Variants in ERVH48-1 observed in about 807,000 individuals in gnomAD.
ERVH48-1 encodes endogenous retrovirus group 48 member 1, envelope, also known as suppressyn.
In ERVH48-1, 4 loss-of-function variants were observed where a neutral mutation model predicts 2.4. The observed-to-expected ratio is 1.68, with a 90% confidence interval of 0.83 to 3.84. The LOEUF is 3.84. Among genes scored for constraint, ERVH48-1 ranks in the 30% most tolerant of loss-of-function variants. The pLI is 0.01. For missense variants in ERVH48-1, 97 were observed against 43.4 expected (o/e 2.23, Z -3.47); for synonymous variants, 32 against 15.5 (o/e 2.06, Z -2.49).
chr21:42,922,256 G>A (rs1167700343), intron 1 of ERVH48-1, among the ~76,000 whole-genome samples: 1 of 152,022 alleles, frequency 6.6e-6, no homozygotes, highest in Non-Finnish European at 1.5e-5. Flanking sequence ...GGTTAACCAT[G>A]GATGGGGGAT....
At chr21:42,922,671 C>T (rs2058809507) in intron 1 of ERVH48-1, among the ~76,000 whole-genome samples, 1 of 133,540 alleles carries the variant, frequency 7.5e-6, no homozygotes, top group South Asian at 2.6e-4. Context: ...ACCCGGGAGG[C>T]GGAGCTTGCA....
rs2058798157 is a variant in ERVH48-1, at chr21:42,919,161, G to A, written c.-155C>T. The A allele has an allele frequency of 3.2e-6, 3 of 937,606 alleles. No individual in the cohort carries two copies. The highest frequency in any genetic ancestry group is 4.2e-6 in the Non-Finnish European group (3 of 713,028). 58.1% of individuals were successfully genotyped at this position (937,606 alleles called of 1,614,324 possible). ...CCTTGGGGGTGAGCTTGACCCTGGT[G>A]CGATGGATCCAGTTGGGGAGTCCTC... is the stretch of plus-strand genomic sequence containing the variant. On this transcript the variant is annotated 5_prime_UTR_variant, in exon 2 of 2. Coordinates refer to ENST00000447535, the MANE Select transcript of ERVH48-1 (RefSeq NM_001308491.2).
chr21:42,923,111 G>T (rs1289603967), intron 1 of ERVH48-1, among the ~76,000 whole-genome samples: 1 of 152,186 alleles, frequency 6.6e-6, no homozygotes, highest in African/African-American at 2.4e-5. Context: ...CTCACAGTCC[G>T]ACTTCCAGTG....
At chr21:42,923,564 G>C (rs1365387844) in intron 1 of ERVH48-1, among the ~76,000 whole-genome samples, 1 of 152,138 alleles carries the variant, frequency 6.6e-6, no homozygotes, top group Non-Finnish European at 1.5e-5. Context: ...TTTTCGTCAG[G>C]ACCTTGGGTG....
chr21:42,919,042 G>T lies in ERVH48-1; in HGVS notation c.-36C>A. 8.2e-7 allele frequency: 1 copy of T among 1,219,916 alleles called. No homozygotes were observed. The highest frequency in any genetic ancestry group is 1.1e-6 in the Non-Finnish European group (1 of 952,056). The allele number at this position is 1,219,916 out of a possible 1,614,324, so 75.6% of individuals were successfully genotyped here. ...ACGTGGTTAGTCTTCCTTGTGTTTT[G>T]GTTTTAAGAAAAAAATGTTGGTTAA... On this transcript the variant is annotated 5_prime_UTR_variant, in exon 2 of 2. Coordinates refer to ENST00000447535, the MANE Select transcript of ERVH48-1 (RefSeq NM_001308491.2).
intron 1 of ERVH48-1, among the ~76,000 whole-genome samples, chr21:42,922,347 C>T (rs529651527): frequency 2.0e-5 from 3 of 151,810 alleles, no homozygotes; most frequent in East Asian, 3.9e-4. Context: ...TGGGTGGATG[C>T]GTTGGGTACT....
At position 42,919,205 on chromosome 21, in the gene ERVH48-1, G is replaced by T; in HGVS notation, c.-199C>A. The T allele has an allele frequency of 2.1e-6, 1 of 477,514 alleles. No individual in the cohort carries two copies. Among genetic ancestry groups the T allele is most frequent in the Non-Finnish European group, 3.4e-6 (1 of 295,394 alleles). 29.6% of individuals were successfully genotyped at this position (477,514 alleles called of 1,614,324 possible). ...AGTCCTCGGACTCTCACTGCAGTTG[G>T]TGTGCTGAGTATCACAGTGTAGGGG... On this transcript the variant is annotated 5_prime_UTR_variant, in exon 2 of 2. Coordinates refer to ENST00000447535, the MANE Select transcript of ERVH48-1 (RefSeq NM_001308491.2).
At chr21:42,919,965 G>C (rs112686723) in intron 1 of ERVH48-1, among the ~76,000 whole-genome samples, 8,559 of 152,258 alleles carry the variant, frequency 0.056, 347 homozygotes, top group Non-Finnish European at 0.088. Context: ...AGGGAACCCT[G>C]GGGTGACATT....
At chr21:42,920,000 G>A (rs144510074) in intron 1 of ERVH48-1, among the ~76,000 whole-genome samples, 17 of 152,104 alleles carry the variant, frequency 1.1e-4, no homozygotes, top group Non-Finnish European at 1.5e-4. Flanking sequence ...GCAGGACTGG[G>A]TGACCTCTCG....
At chr21:42,923,383 G>A (rs777352846) in intron 1 of ERVH48-1, among the ~76,000 whole-genome samples, 3 of 152,188 alleles carry the variant, frequency 2.0e-5, no homozygotes, top group African/African-American at 4.8e-5. Flanking sequence ...AGAAGGTCTC[G>A]TTGTGGGGTT....
chr21:42,919,167 G>T lies in ERVH48-1; in HGVS notation c.-161C>A. ...GGGTGAGCTTGACCCTGGTGCGATG[G>T]ATCCAGTTGGGGAGTCCTCGGACTC... is the stretch of plus-strand genomic sequence containing the variant. On this transcript the variant is annotated 5_prime_UTR_variant, in exon 2 of 2. Coordinates refer to ENST00000447535, the MANE Select transcript of ERVH48-1 (RefSeq NM_001308491.2). 1.1e-6 allele frequency: 1 copy of T among 882,516 alleles called. No individual in the cohort carries two copies. The highest frequency in any genetic ancestry group is 1.5e-6 in the Non-Finnish European group (1 of 663,032). The allele number at this position is 882,516 out of a possible 1,614,324, so 54.7% of individuals were successfully genotyped here.
At position 42,918,767 on chromosome 21, in the gene ERVH48-1, A is replaced by T. The variant is rs1247930002; in HGVS notation, c.240T>A (p.Val80=). The T allele has an allele frequency of 2.2e-6, 1 of 456,618 alleles. No homozygotes were observed. Among genetic ancestry groups the T allele is most frequent in the African/African-American group, 2.0e-5 (1 of 50,082 alleles). 28.3% of individuals were successfully genotyped at this position (456,618 alleles called of 1,614,324 possible). A position where few individuals can be genotyped will look rare whatever the true frequency, so the allele number is the denominator to read the frequency against. Residue 80 remains valine, a synonymous_variant, in exon 2 of 2, where the codon GTT becomes GTA. Transcript: ENST00000447535. ...SCYGNLIEEC[V]ESGKSYYKVK... is the part of the protein sequence containing the mutation. Reference sequence around the variant, plus strand: ...CTTTATAATAACTCTTTCCTGATTCAACACATTCCTCGATTAAGTTTCCAT... The same window carrying T: ...CTTTATAATAACTCTTTCCTGATTCTACACATTCCTCGATTAAGTTTCCAT...
chr21:42,924,879 A>G (rs886377776), intron 1 of ERVH48-1, among the ~76,000 whole-genome samples: 1 of 151,958 alleles, frequency 6.6e-6, no homozygotes, highest in African/African-American at 2.4e-5. Flanking sequence ...TCATTCCCAG[A>G]ATGGGATCAA....
At chr21:42,925,224 C>T (rs1005879116) in intron 1 of ERVH48-1, 122 bp downstream of exon 1, 5 of 246,858 alleles carry the variant, frequency 2.0e-5, no homozygotes, top group Non-Finnish European at 3.9e-5. Flanking sequence ...GGATTACGGG[C>T]GTGAACCACC....
intron 1 of ERVH48-1, among the ~76,000 whole-genome samples, chr21:42,924,025 G>C (rs2058814198): frequency 6.6e-6 from 1 of 152,224 alleles, no homozygotes; most frequent in Admixed American, 6.5e-5. Context: ...TAGCACAGAC[G>C]CTGAAGTAAG....
At chr21:42,921,081 G>A (rs993068437) in intron 1 of ERVH48-1, among the ~76,000 whole-genome samples, 11 of 152,144 alleles carry the variant, frequency 7.2e-5, no homozygotes, top group Non-Finnish European at 1.3e-4. Context: ...CAGCCCATCC[G>A]AGAACTGTGG....
At chr21:42,921,057 T>G (rs1007597497) in intron 1 of ERVH48-1, among the ~76,000 whole-genome samples, 4 of 152,114 alleles carry the variant, frequency 2.6e-5, no homozygotes, top group African/African-American at 9.7e-5. Flanking sequence ...CTGCCACCAG[T>G]GCTTGGAAGC....
At chr21:42,921,296 G>T (rs2058804832) in intron 1 of ERVH48-1, among the ~76,000 whole-genome samples, 1 of 152,158 alleles carries the variant, frequency 6.6e-6, no homozygotes, top group Non-Finnish European at 1.5e-5. Context: ...GGGTTTAAAG[G>T]CTCATGGAGA....
At chr21:42,925,006 C>T (rs1202037801) in intron 1 of ERVH48-1, among the ~76,000 whole-genome samples, 3 of 149,850 alleles carry the variant, frequency 2.0e-5, no homozygotes, top group Non-Finnish European at 3.0e-5. Flanking sequence ...AGTGCAGTGG[C>T]GCGATCTCTG....
Sources: gnomAD v4.1 joint callset for allele counts (sites outside exome capture counted in the v4.1 genomes callset) on GRCh38, gnomAD v4.1.1 for gene constraint, MANE v1.5 for transcripts, NCBI Gene and HGNC (gene_info 2026-07-23, HGNC 2026-07-21) for gene names.